EVL: variants seen among roughly 807,000 people sequenced by gnomAD.
EVL encodes the protein ena/VASP-like protein.
EVL carries 21 observed loss-of-function variants against 59.6 expected under a neutral mutation model. That is an observed-to-expected ratio of 0.35 (90% CI 0.25 to 0.51). The LOEUF (loss-of-function observed/expected upper bound fraction) is 0.51. EVL is among the 20% of genes least tolerant of loss of function. The pLI is 0.97. For synonymous variants in EVL, 198 were observed against 203.5 expected (o/e 0.97, Z 0.23); for missense variants, 462 against 546.6 (o/e 0.85, Z 1.54).
intron 1 of EVL, among the ~76,000 whole-genome samples, chr14:100,038,094 AG>A (rs1306857567): frequency 6.6e-6 from 1 of 152,162 alleles, no homozygotes; most frequent in East Asian, 1.9e-4. Context: ...GTGTAGACTA[AG>A]GAAAGCTGAA....
intron 3 of EVL, among the ~76,000 whole-genome samples, chr14:100,100,582 G>GT (rs1376427752): frequency 6.6e-6 from 1 of 151,982 alleles, no homozygotes; most frequent in African/African-American, 2.4e-5. Context: ...GTCCACTTTT[G>GT]TTTTTGTTTT....
At chr14:100,105,560 G>T (rs186517329) in intron 3 of EVL, among the ~76,000 whole-genome samples, 2 of 151,708 alleles carry the variant, frequency 1.3e-5, no homozygotes. Flanking sequence ...TTGGTAAGAG[G>T]TCATGGTGTT....
intron 3 of EVL, among the ~76,000 whole-genome samples, chr14:100,119,586 AG>A (rs1887567523): frequency 6.6e-6 from 1 of 152,272 alleles, no homozygotes; most frequent in African/African-American, 2.4e-5. Flanking sequence ...CACTTAAGCC[AG>A]CACATAGGCA....
intron 1 of EVL, among the ~76,000 whole-genome samples, chr14:99,991,055 AT>A (rs1250349558): frequency 3.9e-5 from 6 of 152,090 alleles, no homozygotes; most frequent in Non-Finnish European, 8.8e-5. Context: ...ATTTGTGACA[AT>A]TTGAAAGAAA....
intron 3 of EVL, among the ~76,000 whole-genome samples, chr14:100,100,568 C>A (rs866604759): frequency 6.6e-6 from 1 of 151,984 alleles, no homozygotes; most frequent in South Asian, 2.1e-4. Flanking sequence ...AGAATAGATA[C>A]GAAGTCCACT....
intron 1 of EVL, among the ~76,000 whole-genome samples, chr14:100,004,077 G>A (rs980516351): frequency 3.3e-5 from 5 of 152,166 alleles, no homozygotes; most frequent in African/African-American, 9.7e-5. Context: ...GGTGACGTGC[G>A]CCTGTAATCC....
intron 3 of EVL, among the ~76,000 whole-genome samples, chr14:100,102,912 A>G (rs1886314908): frequency 6.6e-6 from 1 of 152,194 alleles, no homozygotes; most frequent in Non-Finnish European, 1.5e-5. Flanking sequence ...CCTGGCCAAC[A>G]TGGTGAAACT....
chr14:100,032,427 C>T (rs1353096728), intron 1 of EVL, among the ~76,000 whole-genome samples: 4 of 152,272 alleles, frequency 2.6e-5, no homozygotes, highest in Non-Finnish European at 5.9e-5. Context: ...TCATCCCTAC[C>T]CATGACCGAA....
chr14:100,061,461 A>C (rs10134281), upstream of EVL, among the ~76,000 whole-genome samples: 38,601 of 63,798 alleles, frequency 0.61, 9,340 homozygotes, highest in Non-Finnish European at 0.67. Flanking sequence ...CTCAGGCTGC[A>C]AAAAAAAAAA....
intron 3 of EVL, among the ~76,000 whole-genome samples, chr14:100,098,508 C>T (rs1422845555): frequency 1.3e-5 from 2 of 152,188 alleles, no homozygotes; most frequent in Non-Finnish European, 2.9e-5. Flanking sequence ...AGACTTTGGG[C>T]TTGCTTGATA....
chr14:100,067,519 G>C (rs2061957219), intron 1 of EVL, among the ~76,000 whole-genome samples: 2 of 152,028 alleles, frequency 1.3e-5, no homozygotes, highest in South Asian at 4.2e-4. Flanking sequence ...ATGAGGTCTT[G>C]CTTTATTGCC....
chr14:100,007,498 G>T (rs749935699), intron 1 of EVL, among the ~76,000 whole-genome samples: 13 of 152,260 alleles, frequency 8.5e-5, no homozygotes, highest in Non-Finnish European at 1.5e-4. Context: ...TTGAAAAAAA[G>T]ATCTGTGCTG....
At chr14:100,043,195 C>A (rs2061492488) in intron 1 of EVL, among the ~76,000 whole-genome samples, 1 of 151,606 alleles carries the variant, frequency 6.6e-6, no homozygotes, top group Non-Finnish European at 1.5e-5. Context: ...TCAGGATTCT[C>A]CAGGGAGTAC....
At chr14:99,979,570 T>TA (rs869109812) in intron 1 of EVL, among the ~76,000 whole-genome samples, 2 of 152,050 alleles carry the variant, frequency 1.3e-5, no homozygotes, top group African/African-American at 2.4e-5. Flanking sequence ...ATATTTTTTT[T>TA]AAAAAAAGGA....
At position 100,013,021 on chromosome 14, in the gene EVL, A is replaced by C. The variant is rs184664730; in HGVS notation, c.5+40964A>C. On this transcript the variant is annotated intron_variant, in intron 1 of 13. Coordinates refer to the EVL transcript ENST00000402714. ...TACCAAGCATGCTGTTATTACTTAG[A>C]TTGTGTGTGTATTTCTTGTCTGATG... Among the ~76,000 whole-genome samples, 3 of 152,186 alleles carry C rather than the reference A, an allele frequency of 2.0e-5. No individual in the cohort carries two copies. In the East Asian group the frequency reaches 5.8e-4, roughly 29 times the overall value.
chr14:100,141,624 G>A (rs919690004), intron 12 of EVL, 112 bp from the exon 13 acceptor site: 4 of 948,112 alleles, frequency 4.2e-6, no homozygotes, highest in Non-Finnish European at 6.3e-6. Flanking sequence ...GGTGACAGAT[G>A]CAACTCTGGA....
chr14:100,058,193 G>C (rs2061764855), intron 1 of EVL, among the ~76,000 whole-genome samples: 1 of 152,186 alleles, frequency 6.6e-6, no homozygotes, highest in Admixed American at 6.5e-5. Flanking sequence ...GTATAGCTCT[G>C]TGATTTATTT....
intron 1 of EVL, among the ~76,000 whole-genome samples, chr14:100,055,196 TAAA>T (rs34987173): frequency 7.2e-4 from 101 of 139,870 alleles, no homozygotes; most frequent in Middle Eastern, 3.8e-3. Context: ...TGAGACTCCT[TAAA>T]AAAAAAAAAA....
intron 1 of EVL, among the ~76,000 whole-genome samples, chr14:100,079,841 G>A (rs1293924951): frequency 6.6e-6 from 1 of 152,126 alleles, no homozygotes; most frequent in East Asian, 1.9e-4. Flanking sequence ...ATTAGAGAGT[G>A]ACAGCCCGAG....
Sources: allele counts gnomAD v4.1 joint callset (sites outside exome capture counted in the v4.1 genomes callset), GRCh38; gene constraint gnomAD v4.1.1; transcripts MANE v1.5; gene names NCBI Gene and HGNC (gene_info 2026-07-23, HGNC 2026-07-21).